The following DYNC2LI1 variants were observed in gnomAD, a reference collection of about 807,000 sequenced individuals.
DYNC2LI1 encodes the protein dynein cytoplasmic 2 light intermediate chain 1, also known as cytoplasmic dynein 2 light intermediate chain 1.
DYNC2LI1 carries 45 observed loss-of-function variants against 51.9 expected under a neutral mutation model. The observed-to-expected ratio is 0.87, with a 90% CI of 0.68 to 1.11. The LOEUF (loss-of-function observed/expected upper bound fraction) is 1.11. DYNC2LI1 is among the 50% of genes most tolerant of loss of function. DYNC2LI1 has a pLI of 0.00. For missense variants in DYNC2LI1, 490 were observed against 417.4 expected (o/e 1.17, Z -1.51); for synonymous variants, 130 against 137.8 (o/e 0.94, Z 0.40).
the DYNC2LI1 span, chr2:43,828,305 A>G: frequency 1.3e-6 from 1 of 770,474 alleles, no homozygotes. Flanking sequence ...ATCGTAATAC[A>G]TGTGTCAGAT....
intron 11 of DYNC2LI1, 72 bp downstream of exon 11, chr2:43,804,811 G>A: frequency 2.3e-6 from 2 of 880,928 alleles, no homozygotes; most frequent in South Asian, 4.2e-5. Context: ...TGTGTCAAAG[G>A]GCTTATTATG....
At chr2:43,799,046 A>C (rs541706370) in intron 8 of DYNC2LI1, among the ~76,000 whole-genome samples, 1 of 152,252 alleles carries the variant, frequency 6.6e-6, no homozygotes, top group African/African-American at 2.4e-5. Flanking sequence ...TCTTGCCTCT[A>C]ATCTCAACAC....
At chr2:43,794,165 T>C (rs1673922776) in intron 5 of DYNC2LI1, 1 of 253,668 alleles carries the variant, frequency 3.9e-6, no homozygotes, top group Admixed American at 4.9e-5. Flanking sequence ...AAACGTGGCA[T>C]TGTCGATGCA....
downstream of DYNC2LI1, among the ~76,000 whole-genome samples, chr2:43,813,818 A>G (rs1252758643): frequency 6.9e-6 from 1 of 145,726 alleles, no homozygotes; most frequent in Admixed American, 7.2e-5. Flanking sequence ...CCCAGATTCA[A>G]GTGATTCTCA....
At chr2:43,799,930 T>C (rs963478892) in intron 8 of DYNC2LI1, among the ~76,000 whole-genome samples, 2 of 152,236 alleles carry the variant, frequency 1.3e-5, no homozygotes, top group Non-Finnish European at 2.9e-5. Flanking sequence ...ATGAGTATTC[T>C]CATTTGAATA....
At chr2:43,783,384 G>C in intron 2 of DYNC2LI1, 136 bp from the exon 3 acceptor site, 1 of 706,074 alleles carries the variant, frequency 1.4e-6, no homozygotes. Context: ...AATTCCGAAA[G>C]TTTCTAGTTT....
the DYNC2LI1 span, chr2:43,824,871 T>A: frequency 6.2e-7 from 1 of 1,613,438 alleles, no homozygotes; most frequent in Non-Finnish European, 8.5e-7. Flanking sequence ...TGATGGGGAA[T>A]GTGAAAGAAA....
the DYNC2LI1 span, among the ~76,000 whole-genome samples, chr2:43,815,330 G>A: frequency 6.6e-6 from 1 of 152,116 alleles, no homozygotes; most frequent in Non-Finnish European, 1.5e-5. Flanking sequence ...CTAGTTCTAG[G>A]AGCTTGAGAA....
intron 5 of DYNC2LI1, among the ~76,000 whole-genome samples, chr2:43,792,354 T>C (rs539171191): frequency 2.8e-4 from 43 of 152,308 alleles, no homozygotes; most frequent in African/African-American, 1.0e-3. Flanking sequence ...TAACATATTA[T>C]AATTTTGTGC....
At chr2:43,813,752 C>G, downstream of DYNC2LI1, among the ~76,000 whole-genome samples, 1 of 105,266 alleles carries the variant, frequency 9.5e-6, no homozygotes, top group African/African-American at 3.7e-5. Flanking sequence ...CAGTTTCACT[C>G]TGCCGCCCAG....
the DYNC2LI1 span, chr2:43,827,936 A>T: frequency 9.9e-6 from 16 of 1,611,536 alleles, no homozygotes; most frequent in Non-Finnish European, 1.3e-5. Flanking sequence ...GCACACACAC[A>T]GAAGATGCCC....
chr2:43,815,751 G>A, the DYNC2LI1 span, among the ~76,000 whole-genome samples: 116 of 152,208 alleles, frequency 7.6e-4, no homozygotes, highest in Non-Finnish European at 1.4e-3. Context: ...AGGGGAGCTC[G>A]GAACAATAGC....
chr2:43,786,172 G>C (rs1373461291), intron 3 of DYNC2LI1, among the ~76,000 whole-genome samples: 1 of 152,138 alleles, frequency 6.6e-6, no homozygotes, highest in Non-Finnish European at 1.5e-5. Flanking sequence ...ATAAAGAACT[G>C]CTAGAGAACT....
At chr2:43,796,837 C>G in intron 8 of DYNC2LI1, 42 bp downstream of exon 8, 1 of 1,521,724 alleles carries the variant, frequency 6.6e-7, no homozygotes, top group Non-Finnish European at 9.1e-7. Context: ...TGGACAGTAC[C>G]AAATTTGGGG....
At chr2:43,795,324 T>G (rs933445901) in intron 6 of DYNC2LI1, 15 of 336,228 alleles carry the variant, frequency 4.5e-5, no homozygotes, top group African/African-American at 3.1e-4. Flanking sequence ...GCCGACATGG[T>G]GAAACCCCGT....
chr2:43,824,155 A>G, the DYNC2LI1 span: 56 of 1,613,960 alleles, frequency 3.5e-5, no homozygotes, highest in Non-Finnish European at 4.7e-5. Flanking sequence ...TCCTTTTCAG[A>G]ATTGTTATTG....
the DYNC2LI1 span, chr2:43,820,134 A>G: frequency 6.3e-7 from 1 of 1,599,156 alleles, no homozygotes; most frequent in Non-Finnish European, 8.5e-7. Context: ...TTTCCTCTCC[A>G]AGGGCTATCA....
At chr2:43,787,006 C>T (rs552255644) in intron 3 of DYNC2LI1, among the ~76,000 whole-genome samples, 175 bp from the exon 4 acceptor site, 49 of 152,294 alleles carry the variant, frequency 3.2e-4, no homozygotes, top group East Asian at 1.9e-4. Context: ...TCCACTAAGA[C>T]GGTGTTTTGC....
the DYNC2LI1 span, among the ~76,000 whole-genome samples, chr2:43,825,401 A>AATC: frequency 9.2e-5 from 14 of 152,188 alleles, no homozygotes; most frequent in South Asian, 2.9e-3. Flanking sequence ...TTTCATTTTA[A>AATC]ATCTCAGCTC....
Sources: allele counts gnomAD v4.1 joint callset (sites outside exome capture counted in the v4.1 genomes callset), GRCh38; gene constraint gnomAD v4.1.1; transcripts MANE v1.5; gene names NCBI Gene and HGNC (gene_info 2026-07-23, HGNC 2026-07-21).